The following DPY19L2 variants were observed in gnomAD, a reference collection of about 807,000 sequenced individuals.
The protein encoded by DPY19L2 is dpy-19 like 2.
A neutral mutation model predicts 97.9 loss-of-function variants in DPY19L2; 34 were observed. That is an observed-to-expected ratio of 0.35 (90% confidence interval 0.26 to 0.46). DPY19L2 has a LOEUF of 0.46. DPY19L2 is among the 20% of genes least tolerant of loss of function. The pLI, the probability that DPY19L2 is intolerant of heterozygous loss-of-function variation, is 1.00. For synonymous variants in DPY19L2, 230 were observed against 307.9 expected, an observed-to-expected ratio of 0.75 and a Z score of 2.65; for missense variants, 623 against 911.4, an observed-to-expected ratio of 0.68 and a Z score of 4.07.
intron 21 of DPY19L2, among the ~76,000 whole-genome samples, chr12:63,567,876 T>C (rs1878039098): frequency 6.6e-6 from 1 of 152,132 alleles, no homozygotes; most frequent in South Asian, 2.1e-4. Context: ...CAGATGTTTA[T>C]ATAGCACATC....
At chr12:63,597,199 T>G (rs1247460247) in intron 14 of DPY19L2, among the ~76,000 whole-genome samples, 1 of 151,216 alleles carries the variant, frequency 6.6e-6, no homozygotes, top group African/African-American at 2.4e-5. Context: ...GGTCTCAAAC[T>G]CCTGACCTCA....
chr12:63,591,736 G>A (rs535051815), intron 16 of DPY19L2, among the ~76,000 whole-genome samples: 4 of 151,422 alleles, frequency 2.6e-5, no homozygotes, highest in Admixed American at 6.6e-5. Flanking sequence ...AAAAAAGAAA[G>A]AAAAAGAAAA....
chr12:63,599,143 G>C (rs1004553383), intron 13 of DPY19L2, among the ~76,000 whole-genome samples: 34 of 149,602 alleles, frequency 2.3e-4, no homozygotes, highest in African/African-American at 8.3e-4. Context: ...CTGCATTCCA[G>C]CCTGGGTGAC....
rs547657884 is a variant in DPY19L2, at chr12:63,637,460, G to A, written c.803+6943C>T. 8.6e-5 allele frequency among the ~76,000 whole-genome samples: 13 copies of A among 152,020 alleles called. 1 individual carries two copies. Among genetic ancestry groups the A allele is most frequent in the Admixed American group, 3.9e-4 (6 of 15,236 alleles). Reference sequence around the variant, plus strand: ...GAAAGATCAACAAAATTGATAGACCGCTAGCAAGACTAATAAAGAAGAAAA... The same window carrying A: ...GAAAGATCAACAAAATTGATAGACCACTAGCAAGACTAATAAAGAAGAAAA... On this transcript the variant is annotated intron_variant, in intron 6 of 21. Transcript: ENST00000324472.
rs562788010 is a variant in DPY19L2 at position 63,625,919 on chromosome 12, A to G, written c.861+550T>C. ...ATGTTACTTATTCTGACCACAATAA[A>G]AAGTTGAATATATATGTTATATATA... On this transcript the variant is annotated intron_variant, in intron 7 of 21. Transcript: ENST00000324472. Among the ~76,000 whole-genome samples, 6 of 145,154 alleles carry G rather than the reference A, an allele frequency of 4.1e-5. No individual in the cohort carries two copies. In the South Asian group the frequency reaches 1.3e-3, roughly 31 times the overall value.
chr12:63,623,209 A>C (rs544144734), intron 8 of DPY19L2, among the ~76,000 whole-genome samples: 151 of 151,688 alleles, frequency 1.0e-3, no homozygotes, highest in African/African-American at 3.0e-3. Flanking sequence ...TAAATATCTA[A>C]AATGCTTATA....
intron 6 of DPY19L2, among the ~76,000 whole-genome samples, chr12:63,634,638 C>A (rs147893295): frequency 6.6e-6 from 1 of 151,864 alleles, no homozygotes; most frequent in Non-Finnish European, 1.5e-5. Context: ...GATTACATCC[C>A]GCACATGGCT....
intron 7 of DPY19L2, among the ~76,000 whole-genome samples, chr12:63,625,348 G>C (rs1437846521): frequency 1.3e-5 from 2 of 150,596 alleles, no homozygotes; most frequent in Non-Finnish European, 2.9e-5. Context: ...AGTGAGCTGA[G>C]ATCACGCCAC....
chr12:63,565,415 A>G (rs533252053), intron 21 of DPY19L2, among the ~76,000 whole-genome samples: 4 of 152,096 alleles, frequency 2.6e-5, no homozygotes, highest in African/African-American at 7.2e-5. Context: ...TTGTGGCCTT[A>G]TATCACTCCA....
intron 4 of DPY19L2, among the ~76,000 whole-genome samples, chr12:63,653,127 A>G (rs1356915261): frequency 1.3e-5 from 2 of 152,314 alleles, no homozygotes; most frequent in East Asian, 3.9e-4. Flanking sequence ...TGAGCAAAAG[A>G]GAAAAAACAG....
chr12:63,628,702 A>G (rs990741813), intron 6 of DPY19L2, among the ~76,000 whole-genome samples: 1 of 151,720 alleles, frequency 6.6e-6, no homozygotes, highest in African/African-American at 2.4e-5. Context: ...CCTGTCTGAC[A>G]GCTTTGAAGA....
At chr12:63,604,566 T>C (rs532210569) in intron 12 of DPY19L2, among the ~76,000 whole-genome samples, 31 of 152,194 alleles carry the variant, frequency 2.0e-4, no homozygotes, top group African/African-American at 7.0e-4. Flanking sequence ...GATTGGGAGA[T>C]TTCTATTGTT....
chr12:63,573,485 G>T (rs903814168), intron 19 of DPY19L2, among the ~76,000 whole-genome samples: 1 of 152,102 alleles, frequency 6.6e-6, no homozygotes. Context: ...AGAGTTATTG[G>T]CCTTAAAGAG....
chr12:63,595,052 A>G (rs920460038), intron 15 of DPY19L2, among the ~76,000 whole-genome samples: 1 of 152,186 alleles, frequency 6.6e-6, no homozygotes, highest in African/African-American at 2.4e-5. Flanking sequence ...CAAGGGTGAA[A>G]CAACAGAGAT....
chr12:63,612,440 A>G (rs1887162779), intron 11 of DPY19L2, among the ~76,000 whole-genome samples: 1 of 152,084 alleles, frequency 6.6e-6, no homozygotes, highest in African/African-American at 2.4e-5. Flanking sequence ...TGTTTAAGTA[A>G]AATGTATGAC....
chr12:63,627,554 T>A (rs1375147200), intron 6 of DPY19L2, among the ~76,000 whole-genome samples: 1 of 152,144 alleles, frequency 6.6e-6, no homozygotes, highest in African/African-American at 2.4e-5. Context: ...TTCACCATGT[T>A]GGCCAGGCTG....
chr12:63,668,395 A>T lies in DPY19L2; in HGVS notation c.-2T>A. 6.2e-7 allele frequency: 1 copy of T among 1,604,288 alleles called. No individual in the cohort carries two copies. Among genetic ancestry groups the T allele is most frequent in the Non-Finnish European group, 8.5e-7 (1 of 1,175,658 alleles). ...TGAGCTTACTCCTTGTTTTCTCATAATCAAGGAGTATGGTGGAGCTGGGTC... is the reference window on the plus strand; with the variant it reads ...TGAGCTTACTCCTTGTTTTCTCATATTCAAGGAGTATGGTGGAGCTGGGTC... On this transcript the variant is annotated 5_prime_UTR_variant, in exon 1 of 22. Coordinates refer to ENST00000324472, the MANE Select transcript of DPY19L2 (RefSeq NM_173812.5).
At chr12:63,660,705 A>G (rs949135026) in intron 4 of DPY19L2, among the ~76,000 whole-genome samples, 3 of 152,150 alleles carry the variant, frequency 2.0e-5, no homozygotes, top group African/African-American at 4.8e-5. Flanking sequence ...AAATATGAAT[A>G]AAGGACTAGA....
intron 13 of DPY19L2, among the ~76,000 whole-genome samples, chr12:63,599,572 C>A (rs1171017907): frequency 6.6e-6 from 1 of 151,980 alleles, no homozygotes; most frequent in Non-Finnish European, 1.5e-5. Flanking sequence ...TCAAACAGGG[C>A]CCTAATTGGA....
Sources: allele counts gnomAD v4.1 joint callset (sites outside exome capture counted in the v4.1 genomes callset), GRCh38; gene constraint gnomAD v4.1.1; transcripts MANE v1.5; gene names NCBI Gene and HGNC (gene_info 2026-07-23, HGNC 2026-07-21).